HNF4G: variants seen among roughly 807,000 people sequenced by gnomAD.
HNF4G encodes the protein hepatocyte nuclear factor 4 gamma.
Under a neutral mutation model 50.9 loss-of-function variants are expected in HNF4G, and 21 were observed. The ratio of observed to expected loss-of-function variants is 0.41; its 90% CI spans 0.29 to 0.59. The LOEUF is 0.59. Among genes scored for constraint, HNF4G ranks in the 20% least tolerant of loss-of-function variants. The pLI is 0.26. For synonymous variants in HNF4G, 198 were observed against 185.6 expected (o/e 1.07, Z -0.54); for missense variants, 527 against 559.4 (o/e 0.94, Z 0.58).
chr8:75,517,251 CA>C (rs1000936037), intron 2 of HNF4G, among the ~76,000 whole-genome samples: 2 of 152,082 alleles, frequency 1.3e-5, no homozygotes, highest in Non-Finnish European at 2.9e-5. Context: ...GAGACACAGC[CA>C]AACTATATCA....
chr8:75,428,282 G>C (rs887675988), intron 1 of HNF4G, among the ~76,000 whole-genome samples: 4 of 152,110 alleles, frequency 2.6e-5, no homozygotes, highest in Non-Finnish European at 4.4e-5. Context: ...ACTTAGGTAA[G>C]TTACTTGGTG....
At chr8:75,545,075 T>C (rs1806734325) in intron 2 of HNF4G, among the ~76,000 whole-genome samples, 1 of 152,160 alleles carries the variant, frequency 6.6e-6, no homozygotes, top group African/African-American at 2.4e-5. Context: ...TGTATTTAGA[T>C]AAGTTTTGCC....
chr8:75,477,632 T>C (rs1184483901), intron 1 of HNF4G, among the ~76,000 whole-genome samples: 1 of 151,910 alleles, frequency 6.6e-6, no homozygotes, highest in Non-Finnish European at 1.5e-5. Context: ...TTCTTTGTAT[T>C]ACTATTTGCA....
At chr8:75,428,778 C>A (rs1326903591) in intron 1 of HNF4G, among the ~76,000 whole-genome samples, 1 of 152,070 alleles carries the variant, frequency 6.6e-6, no homozygotes, top group Non-Finnish European at 1.5e-5. Context: ...AAATAAGAAT[C>A]TTGTAGATAA....
At chr8:75,555,054 G>A (rs746420774) in intron 5 of HNF4G, among the ~76,000 whole-genome samples, 3 of 152,128 alleles carry the variant, frequency 2.0e-5, no homozygotes, top group Non-Finnish European at 4.4e-5. Flanking sequence ...CCCCTCTCAC[G>A]CCTCCCATCA....
At chr8:75,531,222 A>G (rs1374329806) in intron 2 of HNF4G, among the ~76,000 whole-genome samples, 1 of 152,214 alleles carries the variant, frequency 6.6e-6, no homozygotes, top group Non-Finnish European at 1.5e-5. Context: ...AACAAGCTAT[A>G]AAAATGTAAT....
chr8:75,497,764 AT>A (rs896898669), intron 2 of HNF4G, among the ~76,000 whole-genome samples: 16 of 152,002 alleles, frequency 1.1e-4, no homozygotes, highest in African/African-American at 3.1e-4. Flanking sequence ...GATTCCTAGA[AT>A]TTTTTTTAAT....
At position 75,523,008 on chromosome 8, in the gene HNF4G, C is replaced by T. The variant is rs186482963; in HGVS notation, c.-23-20803C>T. On this transcript the variant is annotated intron_variant, in intron 2 of 10. Coordinates refer to the HNF4G transcript ENST00000354370. ...TTGGGAGGTCTAGCAGGGTGGATCA[C>T]GAGGTCAGGAGATCGAGACCAGCCT... Among the ~76,000 whole-genome samples the T allele has an allele frequency of 4.6e-5, 7 of 152,056 alleles. No homozygotes were observed. In the East Asian group the frequency reaches 9.7e-4, roughly 21 times the overall value.
chr8:75,555,530 T>C (rs946959156), intron 5 of HNF4G, among the ~76,000 whole-genome samples: 3 of 152,104 alleles, frequency 2.0e-5, no homozygotes, highest in Non-Finnish European at 4.4e-5. Context: ...GATTATGTTT[T>C]ATATATGTTT....
chr8:75,429,832 T>C (rs1329732322), intron 1 of HNF4G, among the ~76,000 whole-genome samples: 2 of 152,160 alleles, frequency 1.3e-5, no homozygotes, highest in African/African-American at 2.4e-5. Flanking sequence ...TATGGTAGAC[T>C]GAATGTCTAG....
At chr8:75,466,628 CCTTCCTTCTCCCTTCCCTTCCCT>C (rs1164390825) in intron 1 of HNF4G, among the ~76,000 whole-genome samples, 146 of 70,020 alleles carry the variant, frequency 2.1e-3, no homozygotes, top group Middle Eastern at 0.015. Flanking sequence ...TTCCTTCCTT[CCTTCCTTCTCCCTTCCCTTCCCT>C]TCCCTTCCCT....
rs113065326 is a variant in HNF4G, at chr8:75,464,022, C to T, written c.-143-26067C>T. 2.8e-3 allele frequency among the ~76,000 whole-genome samples: 425 copies of T among 152,198 alleles called. 5 individuals carry two copies. Among genetic ancestry groups the T allele is most frequent in the African/African-American group, 9.7e-3 (403 of 41,538 alleles). ...TTCCCAACCTCAGGTGATCCACCTG[C>T]CTCAACCTCTGAAAGTGCTGGGATT... On this transcript the variant is annotated intron_variant, in intron 1 of 10. Coordinates refer to the HNF4G transcript ENST00000354370.
chr8:75,556,860 G>C (rs943768327), intron 6 of HNF4G, among the ~76,000 whole-genome samples: 7 of 151,992 alleles, frequency 4.6e-5, no homozygotes, highest in African/African-American at 7.3e-5. Flanking sequence ...TAAATGCACT[G>C]GTCTAAGTAC....
chr8:75,478,850 A>G (rs1324780670), intron 1 of HNF4G, among the ~76,000 whole-genome samples: 1 of 152,046 alleles, frequency 6.6e-6, no homozygotes, highest in African/African-American at 2.4e-5. Flanking sequence ...CAGCCTCCCA[A>G]GCAGCTGGGA....
chr8:75,550,524 G>A lies in HNF4G; in HGVS notation c.383-864G>A, dbSNP rs937092451. On this transcript the variant is annotated intron_variant, in intron 3 of 9. Transcript: ENST00000396423. ...GACGAGGTTTCACCATGTTGGCCAG[G>A]TTGGTCTCGTACTTTTGACCTCAGC... 2.6e-5 allele frequency among the ~76,000 whole-genome samples: 4 copies of A among 151,980 alleles called. No individual in the cohort carries two copies. The South Asian group carries it at 8.3e-4, about 31-fold the overall frequency.
chr8:75,423,629 GC>G (rs1301657118), intron 1 of HNF4G, among the ~76,000 whole-genome samples: 1 of 151,386 alleles, frequency 6.6e-6, no homozygotes, highest in Non-Finnish European at 1.5e-5. Flanking sequence ...CGACCTCGTG[GC>G]CTGCCCACCT....
intron 1 of HNF4G, among the ~76,000 whole-genome samples, chr8:75,414,156 G>C (rs1810572438): frequency 6.6e-6 from 1 of 152,000 alleles, no homozygotes; most frequent in African/African-American, 2.4e-5. Flanking sequence ...AACTCCCTGT[G>C]CCTTTTTGTA....
chr8:75,503,939 G>C (rs1317209721), intron 2 of HNF4G, among the ~76,000 whole-genome samples: 1 of 152,122 alleles, frequency 6.6e-6, no homozygotes, highest in African/African-American at 2.4e-5. Flanking sequence ...AGTCTAAGTT[G>C]TCTCCATAAT....
At chr8:75,451,017 C>T (rs906209065) in intron 1 of HNF4G, among the ~76,000 whole-genome samples, 1 of 152,114 alleles carries the variant, frequency 6.6e-6, no homozygotes. Context: ...TGAGAAATAA[C>T]TTTCTTTATA....
Sources: gnomAD v4.1 joint callset for allele counts (sites outside exome capture counted in the v4.1 genomes callset) on GRCh38, gnomAD v4.1.1 for gene constraint, MANE v1.5 for transcripts, NCBI Gene and HGNC (gene_info 2026-07-23, HGNC 2026-07-21) for gene names.